POU2F1: variants seen among roughly 807,000 people sequenced by gnomAD.
POU2F1 encodes POU domain, class 2, transcription factor 1.
Under a neutral mutation model 84.9 loss-of-function variants are expected in POU2F1, and 16 were observed. The ratio of observed to expected loss-of-function variants is 0.19; its 90% CI spans 0.13 to 0.29. The LOEUF is 0.29. POU2F1 is among the 10% of genes least tolerant of loss of function. POU2F1 has a pLI of 1.00. For missense variants in POU2F1, 738 were observed against 942.6 expected (o/e 0.78, Z 2.84); for synonymous variants, 368 against 368.3 (o/e 1.00, Z 0.01).
chr1:167,299,695 G>GTTT (rs571000920), intron 1 of POU2F1, among the ~76,000 whole-genome samples: 4 of 139,344 alleles, frequency 2.9e-5, no homozygotes, highest in African/African-American at 1.1e-4. Flanking sequence ...GGAGACCAGA[G>GTTT]TTTTTTTTTT....
chr1:167,359,809 G>A (rs2140761), intron 2 of POU2F1, among the ~76,000 whole-genome samples: 59,472 of 144,660 alleles, frequency 0.41, 14,255 homozygotes, highest in East Asian at 0.69. Flanking sequence ...CAGTGTGTAC[G>A]TGGTTTTTTT....
At chr1:167,307,368 T>G (rs1000593693) in intron 1 of POU2F1, among the ~76,000 whole-genome samples, 2 of 152,088 alleles carry the variant, frequency 1.3e-5, no homozygotes, top group Non-Finnish European at 2.9e-5. Flanking sequence ...TATCTGTACA[T>G]TTCATATTTA....
At chr1:167,340,431 C>CTTTTT (rs761386225) in intron 2 of POU2F1, among the ~76,000 whole-genome samples, 3 of 122,326 alleles carry the variant, frequency 2.5e-5, no homozygotes, top group African/African-American at 6.9e-5. Context: ...TTCTTTTTTT[C>CTTTTT]TTTTTTTTTT....
At position 167,427,310 on chromosome 1, in the gene POU2F1, A is replaced by C. The variant is rs2101977000; in HGVS notation, c.*11500A>C. Reference sequence around the variant, plus strand: ...CTGTACAGTTCATTTCTGTTGTAAAACATCATTAAACCATCTTCCAAGTGT... The same window carrying C: ...CTGTACAGTTCATTTCTGTTGTAAACCATCATTAAACCATCTTCCAAGTGT... On this transcript the variant is annotated 3_prime_UTR_variant, in exon 16 of 16. Transcript: ENST00000367866. The C allele has an allele frequency of 6.6e-6, 1 of 152,232 alleles. No individual in the cohort carries two copies. Among genetic ancestry groups the C allele is most frequent in the Non-Finnish European group, 1.5e-5 (1 of 68,006 alleles). The allele number at this position is 152,232 out of a possible 1,614,324, so 9.4% of individuals were successfully genotyped here.
intron 1 of POU2F1, among the ~76,000 whole-genome samples, chr1:167,326,663 T>C (rs1036881217): frequency 6.6e-6 from 1 of 152,160 alleles, no homozygotes; most frequent in Non-Finnish European, 1.5e-5. Flanking sequence ...CCACTCTAGA[T>C]AGTAGCCTGT....
At chr1:167,351,589 A>C (rs1179315592) in intron 2 of POU2F1, among the ~76,000 whole-genome samples, 2 of 151,678 alleles carry the variant, frequency 1.3e-5, no homozygotes, top group Non-Finnish European at 2.9e-5. Context: ...TTATATCTTA[A>C]GTAATGATTA....
intron 11 of POU2F1, among the ~76,000 whole-genome samples, chr1:167,398,477 A>T (rs576764448): frequency 4.7e-4 from 72 of 152,222 alleles, no homozygotes; most frequent in African/African-American, 1.7e-3. Context: ...TGGGGGAGAA[A>T]CACTGGAGTG....
rs982362393 is a variant in POU2F1 at position 167,380,202 on chromosome 1, A to G, written c.719-3655A>G. On this transcript the variant is annotated intron_variant, in intron 7 of 15. Coordinates refer to ENST00000367866, the MANE Select transcript of POU2F1 (RefSeq NM_002697.4). Reference sequence around the variant, plus strand: ...TGCCACTTACCTGTGTGTCCTGGGGAAAGTTAACTTTATGGGCCCCTGTTT... The same window carrying G: ...TGCCACTTACCTGTGTGTCCTGGGGGAAGTTAACTTTATGGGCCCCTGTTT... 2.6e-5 allele frequency: 4 copies of G among 152,288 alleles called. No homozygotes were observed. The South Asian group carries it at 8.3e-4, about 32-fold the overall frequency. The allele number at this position is 152,288 out of a possible 1,614,324, so 9.4% of individuals were successfully genotyped here.
intron 6 of POU2F1, 103 bp from the exon 7 acceptor site, chr1:167,375,926 C>T: frequency 7.2e-7 from 1 of 1,381,354 alleles, no homozygotes; most frequent in Non-Finnish European, 1.0e-6. Context: ...AGTATTTACT[C>T]TTCTTTATTT....
At chr1:167,299,828 T>TA (rs1654552073) in intron 1 of POU2F1, among the ~76,000 whole-genome samples, 3 of 152,074 alleles carry the variant, frequency 2.0e-5, no homozygotes, top group Admixed American at 6.6e-5. Flanking sequence ...CAGGGTCTTC[T>TA]AGGGGTTTGT....
At chr1:167,393,989 T>A (rs1648620480) in intron 9 of POU2F1, among the ~76,000 whole-genome samples, 1 of 95,136 alleles carries the variant, frequency 1.1e-5, no homozygotes, top group Non-Finnish European at 2.2e-5. Context: ...AGTAACATTT[T>A]ATTTTATTTT....
At chr1:167,250,581 A>G (rs560258512) in intron 1 of POU2F1, among the ~76,000 whole-genome samples, 290 of 152,298 alleles carry the variant, frequency 1.9e-3, no homozygotes, top group African/African-American at 6.7e-3. Context: ...TACTACTTTG[A>G]TATGTACAAA....
intron 1 of POU2F1, among the ~76,000 whole-genome samples, chr1:167,318,384 A>G (rs1174876575): frequency 1.3e-5 from 2 of 152,334 alleles, no homozygotes; most frequent in Admixed American, 6.5e-5. Flanking sequence ...CATGGCACGC[A>G]GACTGAGAGG....
intron 4 of POU2F1, 132 bp downstream of exon 4, chr1:167,370,346 G>A: frequency 1.4e-6 from 1 of 693,228 alleles, no homozygotes; most frequent in Non-Finnish European, 2.2e-6. Flanking sequence ...ATCTCGTGAA[G>A]ATTCAAATAA....
At chr1:167,300,373 A>AAACTTCAG (rs1491405394) in intron 1 of POU2F1, among the ~76,000 whole-genome samples, 14 of 152,208 alleles carry the variant, frequency 9.2e-5, no homozygotes, top group Admixed American at 5.2e-4. Flanking sequence ...GTATCATGCA[A>AAACTTCAG]TATATCCAGG....
chr1:167,311,728 A>G (rs1297799104), intron 1 of POU2F1, among the ~76,000 whole-genome samples: 1 of 151,926 alleles, frequency 6.6e-6, no homozygotes, highest in African/African-American at 2.4e-5. Context: ...GCAGCTATAC[A>G]ATGTCTTTGT....
chr1:167,327,242 C>T (rs1217213741), intron 1 of POU2F1, among the ~76,000 whole-genome samples: 1 of 152,186 alleles, frequency 6.6e-6, no homozygotes, highest in Non-Finnish European at 1.5e-5. Flanking sequence ...CCAGTCCACG[C>T]TCTTGTCTGA....
At chr1:167,264,292 A>G (rs1651785645) in intron 1 of POU2F1, among the ~76,000 whole-genome samples, 2 of 151,958 alleles carry the variant, frequency 1.3e-5, no homozygotes, top group Admixed American at 1.3e-4. Flanking sequence ...ATATGAGAGC[A>G]TGTAGGTAGG....
chr1:167,354,967 T>C (rs1055869856), intron 2 of POU2F1, among the ~76,000 whole-genome samples: 1 of 152,198 alleles, frequency 6.6e-6, no homozygotes, highest in African/African-American at 2.4e-5. Context: ...ATTTTCTTTT[T>C]TCAATTCACT....
Sources: gnomAD v4.1 joint callset for allele counts (sites outside exome capture counted in the v4.1 genomes callset) on GRCh38, gnomAD v4.1.1 for gene constraint, MANE v1.5 for transcripts, NCBI Gene and HGNC (gene_info 2026-07-23, HGNC 2026-07-21) for gene names.